DNAI7: variants seen among roughly 807,000 people sequenced by gnomAD.
The protein encoded by DNAI7 is cancer susceptibility 1.
A neutral mutation model predicts 86.6 loss-of-function variants in DNAI7; 78 were observed. That is an observed-to-expected ratio of 0.90 (90% confidence interval 0.75 to 1.09). The LOEUF is 1.09. DNAI7 is among the 50% of genes least tolerant of loss of function. DNAI7 has a pLI of 0.00. For synonymous variants in DNAI7, 274 were observed against 273.0 expected (o/e 1.00, Z -0.04); for missense variants, 753 against 810.2 (o/e 0.93, Z 0.86).
At position 25,158,526 on chromosome 12, in the gene DNAI7, T is replaced by C. The variant is rs759960198; in HGVS notation, c.144A>G (p.Glu48=). The change falls in exon 4 of 16, where the codon GAA becomes GAG. Residue 48 remains glutamate (E), a synonymous_variant. Transcript: ENST00000395987. ...ARLKYEKEEM[E]RLEIQRIEKE... is the part of the protein sequence containing the mutation. ...TCTCAATTCGCTGTATTTCAAGCCTTTCCATTTCTTCTTTCTCATATTTCA... is the reference window on the plus strand; with the variant it reads ...TCTCAATTCGCTGTATTTCAAGCCTCTCCATTTCTTCTTTCTCATATTTCA... 3 of 1,612,984 alleles carry C rather than the reference T, an allele frequency of 1.9e-6. No individual in the cohort carries two copies. The African/African-American group carries it at 4.0e-5, about 22-fold the overall frequency.
At chr12:25,153,245 A>C (rs1945771209) in intron 6 of DNAI7, among the ~76,000 whole-genome samples, 1 of 152,070 alleles carries the variant, frequency 6.6e-6, no homozygotes, top group African/African-American at 2.4e-5. Context: ...AACATGGTGA[A>C]ACCTCATTTC....
Position 25,119,209 on chromosome 12 carries a change from T to G in DNAI7, c.1332A>C (p.Thr444=). 6.2e-7 allele frequency: 1 copy of G among 1,613,096 alleles called. No individual in the cohort carries two copies. The highest frequency in any genetic ancestry group is 8.5e-7 in the Non-Finnish European group (1 of 1,179,374). Residue 444 remains threonine, a synonymous_variant, in exon 12 of 16, where the codon ACA becomes ACC. Transcript: ENST00000395987. ...AGATTACATTCTCATGAACCTCAAGTGTGACCTCTATAGGTGGGAAAGCAT... is the reference window on the plus strand; with the variant it reads ...AGATTACATTCTCATGAACCTCAAGGGTGACCTCTATAGGTGGGAAAGCAT... ...TENAFPPIEV[T]LEVHENVIFF... is the part of the protein sequence containing the mutation.
intron 2 of DNAI7, among the ~76,000 whole-genome samples, chr12:25,187,396 C>T (rs1166825810): frequency 1.3e-5 from 2 of 152,150 alleles, no homozygotes; most frequent in African/African-American, 4.8e-5. Context: ...CCCTACCCCA[C>T]ATTTTTTCAT....
rs532494559 is a variant in DNAI7, at chr12:25,158,214, G to A, written c.198+258C>T. Among the ~76,000 whole-genome samples the A allele has an allele frequency of 4.6e-5, 7 of 151,842 alleles. No individual in the cohort carries two copies. In the South Asian group the frequency reaches 1.5e-3, roughly 32 times the overall value. On this transcript the variant is annotated intron_variant, in intron 4 of 15. Coordinates refer to ENST00000395987, the MANE Select transcript of DNAI7 (RefSeq NM_018272.5). ...ACTGCACTCCAGCCTGGGCAACAGA[G>A]CGAGACTCCATCTCAAGAAAAAAAA...
rs1191724352 is a variant in DNAI7 at position 25,174,364 on chromosome 12, T to C, written c.22-13167A>G. On this transcript the variant is annotated intron_variant, in intron 2 of 15. Transcript: ENST00000395987. ...ATATATATATGATATATATATCCCA[T>C]ATATATGTTATATCATATATATGGG... 7.8e-3 allele frequency among the ~76,000 whole-genome samples: 4 copies of C among 516 alleles called. No individual in the cohort carries two copies. The Non-Finnish European group carries it at 0.17, about 22-fold the overall frequency. 0.3% of individuals were successfully genotyped at this position (516 alleles called of 152,430 possible). A position where few individuals can be genotyped will look rare whatever the true frequency, so the allele number is the denominator to read the frequency against.
At chr12:25,182,978 G>GGAGGAAGGGAGGAAGGGAAGGAGA (rs1565835769) in intron 2 of DNAI7, among the ~76,000 whole-genome samples, 1 of 139,480 alleles carries the variant, frequency 7.2e-6, no homozygotes, top group Non-Finnish European at 1.5e-5. Flanking sequence ...AGGGAGGAAG[G>GGAGGAAGGGAGGAAGGGAAGGAGA]GAAGGAGAGA....
intron 2 of DNAI7, among the ~76,000 whole-genome samples, chr12:25,171,056 CACCTCAAGTA>C (rs778253881): frequency 1.3e-5 from 2 of 152,028 alleles, no homozygotes; most frequent in Non-Finnish European, 2.9e-5. Flanking sequence ...TCTAAGGTCA[CACCTCAAGTA>C]ACTAGAAAAA....
At chr12:25,174,925 C>T (rs1948791054) in intron 2 of DNAI7, among the ~76,000 whole-genome samples, 1 of 151,364 alleles carries the variant, frequency 6.6e-6, no homozygotes, top group Admixed American at 6.6e-5. Context: ...GACACAAAGG[C>T]ATAAGAATGA....
intron 9 of DNAI7, among the ~76,000 whole-genome samples, chr12:25,132,985 T>C (rs1026619289): frequency 3.3e-5 from 5 of 152,208 alleles, no homozygotes; most frequent in African/African-American, 1.2e-4. Context: ...TACACAAATA[T>C]TTGAATCCAA....
At chr12:25,112,088 C>G in intron 13 of DNAI7, 149 bp from the exon 14 acceptor site, 2 of 431,692 alleles carry the variant, frequency 4.6e-6, no homozygotes, top group Non-Finnish European at 4.0e-6. Flanking sequence ...ATATCTTAAG[C>G]CTCATCTGAA....
chr12:25,112,903 G>A (rs11047842), intron 13 of DNAI7, among the ~76,000 whole-genome samples: 17,527 of 152,014 alleles, frequency 0.12, 1,369 homozygotes, highest in Admixed American at 0.16. Flanking sequence ...AGCTATATAC[G>A]GCTGGTAGCT....
At chr12:25,193,343 A>AGAAT (rs1473400243) in intron 1 of DNAI7, among the ~76,000 whole-genome samples, 4 of 152,158 alleles carry the variant, frequency 2.6e-5, no homozygotes, top group South Asian at 4.1e-4. Context: ...ACTCAGATGG[A>AGAAT]GAATGCCATG....
intron 6 of DNAI7, 133 bp downstream of exon 6, chr12:25,154,186 C>T: frequency 3.0e-6 from 2 of 657,522 alleles, no homozygotes; most frequent in Non-Finnish European, 4.8e-6. Context: ...GAAAAGATTA[C>T]CAATTACTTC....
intron 2 of DNAI7, among the ~76,000 whole-genome samples, chr12:25,189,655 A>T (rs993905051): frequency 3.9e-5 from 6 of 152,180 alleles, no homozygotes; most frequent in African/African-American, 1.4e-4. Context: ...AATACAAAAC[A>T]AAACAAAACC....
chr12:25,193,526 G>C (rs1950725783), intron 1 of DNAI7, among the ~76,000 whole-genome samples: 1 of 152,152 alleles, frequency 6.6e-6, no homozygotes, highest in African/African-American at 2.4e-5. Flanking sequence ...TAACCACTCA[G>C]TTTGTGGCAA....
At chr12:25,121,678 G>A (rs762888784) in intron 11 of DNAI7, 75 bp downstream of exon 11, 8 of 1,195,770 alleles carry the variant, frequency 6.7e-6, no homozygotes, top group African/African-American at 1.6e-5. Flanking sequence ...CTTATTAGAT[G>A]TTAGATAATA....
rs1040166242 is a variant in DNAI7, at chr12:25,121,689, T to C, written c.1239+64A>G. On this transcript the variant is annotated intron_variant, in intron 11 of 15. Coordinates refer to ENST00000395987, the MANE Select transcript of DNAI7 (RefSeq NM_018272.5). ...AAAGCTTATTAGATGTTAGATAATA[T>C]GAAATAAAGTAAAAGCGTGAGCAAT... The C allele has an allele frequency of 2.3e-6, 3 of 1,303,048 alleles. No individual in the cohort carries two copies. In the East Asian group the frequency reaches 7.1e-5, roughly 31 times the overall value. The allele number at this position is 1,303,048 out of a possible 1,614,324, so 80.7% of individuals were successfully genotyped here.
At position 25,123,240 on chromosome 12, in the gene DNAI7, A is replaced by G. The variant is rs777443543; in HGVS notation, c.1049T>C (p.Met350Thr). 1.9e-6 allele frequency: 3 copies of G among 1,606,178 alleles called. No homozygotes were observed. Among genetic ancestry groups the G allele is most frequent in the Non-Finnish European group, 2.5e-6 (3 of 1,176,874 alleles). ...TGAAACAGTTTCACTTAATACTTTC[A>G]TCTCTCGTTCACATTTTATGGCTTC... Reference protein sequence around the residue: ...ESEAIKCEREMKVLSETVSAA... With the variant: ...ESEAIKCERETKVLSETVSAA... Residue 350 changes from methionine (M) to threonine (T), a missense_variant, in exon 10 of 16, where the codon ATG (methionine) becomes ACG (threonine). Met to Thr is a moderately conservative substitution (Grantham distance 81, BLOSUM62 -1). Coordinates refer to ENST00000395987, the MANE Select transcript of DNAI7 (RefSeq NM_018272.5).
chr12:25,108,044 G>A, downstream of DNAI7: 1 of 1,613,546 alleles, frequency 6.2e-7, no homozygotes, highest in Non-Finnish European at 8.5e-7. Flanking sequence ...CGACACAATG[G>A]GCCACCACCA....
Sources: gnomAD v4.1 joint callset for allele counts (sites outside exome capture counted in the v4.1 genomes callset) on GRCh38, gnomAD v4.1.1 for gene constraint, MANE v1.5 for transcripts, NCBI Gene and HGNC (gene_info 2026-07-23, HGNC 2026-07-21) for gene names.